Variants in CCSER1 observed in about 807,000 individuals in gnomAD.
CCSER1 encodes the protein serine-rich coiled-coil domain-containing protein 1.
Under a neutral mutation model 82.0 loss-of-function variants are expected in CCSER1, and 41 were observed. The observed-to-expected ratio is 0.50, with a 90% CI of 0.39 to 0.65. CCSER1 has a LOEUF of 0.65. Ranked by LOEUF, CCSER1 falls within the 30% of genes least tolerant of loss-of-function variation. The pLI, the probability that CCSER1 is intolerant of heterozygous loss-of-function variation, is 0.00. For synonymous variants in CCSER1, 414 were observed against 383.9 expected, an observed-to-expected ratio of 1.08 and a Z score of -0.92; for missense variants, 1,119 against 1,064.2, an observed-to-expected ratio of 1.05 and a Z score of -0.72.
chr4:90,217,391 G>A (rs1006163619), intron 1 of CCSER1, among the ~76,000 whole-genome samples: 2 of 151,964 alleles, frequency 1.3e-5, no homozygotes, highest in African/African-American at 4.8e-5. Flanking sequence ...TAGAAACAGG[G>A]TTTCATCATG....
At chr4:91,401,404 C>A (rs1016392124) in intron 10 of CCSER1, among the ~76,000 whole-genome samples, 1 of 148,038 alleles carries the variant, frequency 6.8e-6, no homozygotes. Context: ...TATATATATA[C>A]TTTTTTTATT....
intron 7 of CCSER1, among the ~76,000 whole-genome samples, chr4:90,741,025 C>T (rs1746471161): frequency 6.6e-6 from 1 of 152,072 alleles, no homozygotes; most frequent in East Asian, 1.9e-4. Context: ...GGATTGCTTT[C>T]CTTAATTGGC....
intron 6 of CCSER1, among the ~76,000 whole-genome samples, chr4:90,681,829 G>C (rs1276434755): frequency 5.3e-5 from 8 of 151,924 alleles, no homozygotes; most frequent in Admixed American, 2.0e-4. Context: ...TAATTATACA[G>C]TCTTCACAGA....
At chr4:91,345,686 T>G (rs973454906) in intron 10 of CCSER1, among the ~76,000 whole-genome samples, 1 of 152,210 alleles carries the variant, frequency 6.6e-6, no homozygotes, top group Non-Finnish European at 1.5e-5. Context: ...TACATTGTTA[T>G]AAACCAAACT....
intron 8 of CCSER1, among the ~76,000 whole-genome samples, chr4:90,835,620 CA>C (rs1761711646): frequency 1.3e-5 from 2 of 151,680 alleles, no homozygotes; most frequent in African/African-American, 2.4e-5. Flanking sequence ...GGTTGCAAGA[CA>C]TTTTTTTTTT....
At chr4:90,816,276 CA>C (rs1758999611) in intron 8 of CCSER1, among the ~76,000 whole-genome samples, 1 of 152,060 alleles carries the variant, frequency 6.6e-6, no homozygotes, top group African/African-American at 2.4e-5. Flanking sequence ...ATCAAAAATA[CA>C]TTAACCTAAT....
chr4:90,546,837 T>A (rs1453077881), intron 5 of CCSER1, among the ~76,000 whole-genome samples: 6 of 152,056 alleles, frequency 3.9e-5, no homozygotes, highest in Non-Finnish European at 8.8e-5. Context: ...CTACAATACA[T>A]CAGCAAATAG....
chr4:90,181,893 A>G lies in CCSER1; in HGVS notation c.-42+54062A>G, dbSNP rs181127147. Among the ~76,000 whole-genome samples the G allele has an allele frequency of 5.7e-3, 873 of 152,240 alleles. 7 individuals carry two copies. The highest frequency in any genetic ancestry group is 0.037 in the Middle Eastern group (11 of 294). ...AGAGTGTGAGACAGCCACAGCCCAT[A>G]AAAGAAGTCATTTGGTAAACATCTA... On this transcript the variant is annotated intron_variant, in intron 1 of 10. Coordinates refer to ENST00000509176, the MANE Select transcript of CCSER1 (RefSeq NM_001145065.2).
Position 90,593,431 on chromosome 4 carries a change from C to G in CCSER1, c.1725-34594C>G, listed in dbSNP as rs111731402. 6.8e-3 allele frequency among the ~76,000 whole-genome samples: 1,029 copies of G among 152,118 alleles called. 5 individuals carry two copies. Among genetic ancestry groups the G allele is most frequent in the Non-Finnish European group, 0.011 (760 of 67,992 alleles). On this transcript the variant is annotated intron_variant, in intron 5 of 10. Transcript: ENST00000509176. ...ACACTCCACAGTGTGGGAGCAGGCC[C>G]GAGGATAGAGACTCAAGAGCCCTGT...
Position 90,165,637 on chromosome 4 carries a change from T to C in CCSER1, c.-42+37806T>C, listed in dbSNP as rs190425777. On this transcript the variant is annotated intron_variant, in intron 1 of 10. Coordinates refer to ENST00000509176, the MANE Select transcript of CCSER1 (RefSeq NM_001145065.2). Reference sequence around the variant, plus strand: ...TTATCTATTGGAAAAGACAGATGTGTAAATAGATTATAATTACATGTTTCT... The same window carrying C: ...TTATCTATTGGAAAAGACAGATGTGCAAATAGATTATAATTACATGTTTCT... Among the ~76,000 whole-genome samples, 168 of 152,178 alleles carry C rather than the reference T, an allele frequency of 1.1e-3. 1 individual carries two copies. The highest frequency in any genetic ancestry group is 1.5e-3 in the Non-Finnish European group (101 of 67,934).
chr4:90,736,583 A>G (rs938188247), intron 7 of CCSER1, among the ~76,000 whole-genome samples: 3 of 151,790 alleles, frequency 2.0e-5, no homozygotes, highest in Non-Finnish European at 4.4e-5. Flanking sequence ...TTTTCAGTCT[A>G]TATTTGTTTT....
At chr4:90,796,597 C>T (rs189933783) in intron 7 of CCSER1, among the ~76,000 whole-genome samples, 154 of 152,108 alleles carry the variant, frequency 1.0e-3, no homozygotes, top group Admixed American at 4.1e-3. Context: ...TGAGATCTTT[C>T]TAACTTTTTG....
At chr4:91,122,109 A>G (rs1311993087) in intron 10 of CCSER1, among the ~76,000 whole-genome samples, 2 of 151,688 alleles carry the variant, frequency 1.3e-5, no homozygotes, top group African/African-American at 4.8e-5. Context: ...GACATGGAAT[A>G]TGGATTCTAA....
At chr4:91,162,389 C>A (rs1025243927) in intron 10 of CCSER1, among the ~76,000 whole-genome samples, 1 of 152,112 alleles carries the variant, frequency 6.6e-6, no homozygotes, top group Non-Finnish European at 1.5e-5. Context: ...ATCTAAAATT[C>A]TCTTTTTTGG....
intron 10 of CCSER1, among the ~76,000 whole-genome samples, chr4:91,579,003 A>C (rs1269291331): frequency 6.6e-6 from 1 of 151,956 alleles, no homozygotes; most frequent in East Asian, 1.9e-4. Flanking sequence ...AGTTATGAAG[A>C]TATGGCTAAA....
chr4:90,429,156 A>C (rs747111828), intron 4 of CCSER1, among the ~76,000 whole-genome samples: 2 of 151,902 alleles, frequency 1.3e-5, no homozygotes, highest in Non-Finnish European at 1.5e-5. Flanking sequence ...TTTTAAAAAA[A>C]TAAAGTCTAT....
intron 10 of CCSER1, among the ~76,000 whole-genome samples, chr4:91,284,304 ACTT>A (rs1743118506): frequency 6.6e-6 from 1 of 152,090 alleles, no homozygotes; most frequent in Admixed American, 6.6e-5. Context: ...TAAAAGAAAT[ACTT>A]CTTCTAGTGA....
chr4:91,096,521 A>T (rs1724532233), intron 10 of CCSER1, among the ~76,000 whole-genome samples: 1 of 152,278 alleles, frequency 6.6e-6, no homozygotes, highest in Non-Finnish European at 1.5e-5. Context: ...TATATATGGG[A>T]ACTGATCTGG....
intron 1 of CCSER1, among the ~76,000 whole-genome samples, chr4:90,292,670 T>A (rs747600292): frequency 6.6e-6 from 1 of 151,926 alleles, no homozygotes; most frequent in Non-Finnish European, 1.5e-5. Context: ...TAACAGCACT[T>A]ACTTAAAAAA....
Sources: allele counts gnomAD v4.1 joint callset (sites outside exome capture counted in the v4.1 genomes callset), GRCh38; gene constraint gnomAD v4.1.1; transcripts MANE v1.5; gene names NCBI Gene and HGNC (gene_info 2026-07-23, HGNC 2026-07-21).